SBF2: variants seen among roughly 807,000 people sequenced by gnomAD.
The protein encoded by SBF2 is myotubularin-related protein 13.
SBF2 carries 112 observed loss-of-function variants against 225.2 expected under a neutral mutation model. The ratio of observed to expected loss-of-function variants is 0.50; its 90% CI spans 0.43 to 0.58. The LOEUF is 0.58. Among genes scored for constraint, SBF2 ranks in the 20% least tolerant of loss-of-function variants. The probability of loss-of-function intolerance (pLI) is 0.00; values close to 1 mark genes in which losing one functional copy is unlikely to be tolerated. For missense variants in SBF2, 1,996 were observed against 2,206.2 expected (o/e 0.90, Z 1.91); for synonymous variants, 763 against 773.3 (o/e 0.99, Z 0.22).
intron 16 of SBF2, among the ~76,000 whole-genome samples, chr11:9,896,716 G>A (rs1861288983): frequency 6.6e-6 from 1 of 151,764 alleles, no homozygotes; most frequent in Admixed American, 6.6e-5. Flanking sequence ...TTGAACCCGG[G>A]AGGTGGAGGT....
intron 13 of SBF2, among the ~76,000 whole-genome samples, chr11:9,978,514 A>G (rs139719648): frequency 1.4e-3 from 220 of 152,356 alleles, no homozygotes; most frequent in Non-Finnish European, 3.5e-4. Context: ...TGAAATGTAG[A>G]AGACATTTGA....
At chr11:10,108,515 C>CTTTTTTTTTT (rs34189666) in intron 2 of SBF2, among the ~76,000 whole-genome samples, 9 of 83,482 alleles carry the variant, frequency 1.1e-4, no homozygotes, top group Non-Finnish European at 1.8e-4. Context: ...TAATAGTTAA[C>CTTTTTTTTTT]TTTTTTTTTT....
intron 17 of SBF2, among the ~76,000 whole-genome samples, chr11:9,867,859 G>C (rs1343014225): frequency 6.6e-6 from 1 of 152,170 alleles, no homozygotes; most frequent in Non-Finnish European, 1.5e-5. Flanking sequence ...AAGAAGCTGG[G>C]AAGGGCTACT....
intron 16 of SBF2, chr11:9,957,906 A>G (rs1866286607): frequency 6.6e-6 from 1 of 151,896 alleles, no homozygotes; most frequent in Non-Finnish European, 1.5e-5. Context: ...TTTCACCCCA[A>G]GCTAGGCTAG....
At chr11:9,986,080 C>T (rs1947185464) in intron 13 of SBF2, among the ~76,000 whole-genome samples, 1 of 152,092 alleles carries the variant, frequency 6.6e-6, no homozygotes, top group Non-Finnish European at 1.5e-5. Flanking sequence ...TTTTATCAAG[C>T]ACTCTCTCAA....
chr11:9,857,724 T>C (rs1166813491), intron 18 of SBF2, among the ~76,000 whole-genome samples: 4 of 152,208 alleles, frequency 2.6e-5, no homozygotes, highest in African/African-American at 7.2e-5. Flanking sequence ...AAAAACAATT[T>C]TCTTGATTTT....
At chr11:10,254,249 C>T (rs1289660301) in intron 1 of SBF2, among the ~76,000 whole-genome samples, 1 of 151,926 alleles carries the variant, frequency 6.6e-6, no homozygotes, top group Non-Finnish European at 1.5e-5. Flanking sequence ...TAAAAATTAG[C>T]TGGGCATGGT....
At chr11:9,816,191 G>A (rs970209723) in intron 29 of SBF2, among the ~76,000 whole-genome samples, 9 of 152,222 alleles carry the variant, frequency 5.9e-5, no homozygotes, top group Non-Finnish European at 1.3e-4. Flanking sequence ...GCTTTTGGAG[G>A]AAAAGACCAT....
chr11:9,782,683 C>T (rs978397269), intron 38 of SBF2, among the ~76,000 whole-genome samples: 4 of 151,888 alleles, frequency 2.6e-5, no homozygotes, highest in Non-Finnish European at 5.9e-5. Flanking sequence ...CCAGCCTGAC[C>T]AATATGGTGA....
Position 9,842,787 on chromosome 11 carries a change from C to A in SBF2, c.3111-17G>T. 1 of 1,613,392 alleles carries A rather than the reference C, an allele frequency of 6.2e-7. No individual in the cohort carries two copies. Among genetic ancestry groups the A allele is most frequent in the Non-Finnish European group, 8.5e-7 (1 of 1,179,496 alleles). The stretch of plus-strand genomic sequence containing the variant: ...GAGAAGGTACTACAAGTCATAAAAC[C>A]AAAGAGAATGTCAACTTAATATAAA... On this transcript the variant is annotated splice_polypyrimidine_tract_variant and intron_variant, in intron 24 of 39. Transcript: ENST00000256190.
chr11:9,902,511 A>G (rs1861798526), intron 16 of SBF2, among the ~76,000 whole-genome samples: 1 of 152,196 alleles, frequency 6.6e-6, no homozygotes, highest in Non-Finnish European at 1.5e-5. Flanking sequence ...ATAAAATTAA[A>G]CTGCAACCCA....
At chr11:9,907,952 T>C (rs1366091313) in intron 16 of SBF2, among the ~76,000 whole-genome samples, 1 of 152,234 alleles carries the variant, frequency 6.6e-6, no homozygotes, top group Non-Finnish European at 1.5e-5. Context: ...TAGCCACAAA[T>C]GGCAGAGCCA....
intron 16 of SBF2, among the ~76,000 whole-genome samples, chr11:9,927,532 C>A (rs9666488): frequency 0.12 from 18,411 of 151,960 alleles, 1,223 homozygotes; most frequent in Non-Finnish European, 0.14. Context: ...TCAGTCTGGG[C>A]AAGATAGCAA....
intron 2 of SBF2, among the ~76,000 whole-genome samples, chr11:10,107,365 C>G (rs1278979133): frequency 6.6e-6 from 1 of 152,112 alleles, no homozygotes; most frequent in Non-Finnish European, 1.5e-5. Flanking sequence ...ATAACAAAGA[C>G]AGATCTCAAA....
At chr11:10,046,810 G>A (rs1184711817) in intron 2 of SBF2, among the ~76,000 whole-genome samples, 3 of 150,550 alleles carry the variant, frequency 2.0e-5, no homozygotes, top group Admixed American at 2.0e-4. Context: ...TATATATATT[G>A]GGAGGAAAGA....
intron 2 of SBF2, among the ~76,000 whole-genome samples, chr11:10,192,591 T>C (rs1957216878): frequency 6.6e-6 from 1 of 152,186 alleles, no homozygotes; most frequent in African/African-American, 2.4e-5. Context: ...TCTAATCATT[T>C]TATGTGTATT....
intron 1 of SBF2, among the ~76,000 whole-genome samples, chr11:10,208,262 A>G (rs1400784133): frequency 6.6e-6 from 1 of 152,080 alleles, no homozygotes; most frequent in African/African-American, 2.4e-5. Context: ...ATGGCATAAC[A>G]CTATGATTGC....
chr11:10,134,116 A>G (rs143465227), intron 2 of SBF2, among the ~76,000 whole-genome samples: 18 of 152,306 alleles, frequency 1.2e-4, no homozygotes, highest in African/African-American at 4.3e-4. Flanking sequence ...TCATGGCAGA[A>G]GGTGAAAGGC....
rs546451444 is a variant in SBF2, at chr11:9,800,261, CTTA to C, written c.4444-4307_4444-4305del. Among the ~76,000 whole-genome samples the C allele has an allele frequency of 8.4e-4, 127 of 151,928 alleles. 1 individual carries two copies. In the South Asian group the frequency reaches 0.026, roughly 31 times the overall value. On this transcript the variant is annotated intron_variant, in intron 32 of 39. Coordinates refer to ENST00000256190, the MANE Select transcript of SBF2 (RefSeq NM_030962.4). ...TAAAGGAAAAAAAAAAGGTTGTTTTCTTATTATTGAATTTTAAGGTTTCTTTAT... is the reference window on the plus strand; with the variant it reads ...TAAAGGAAAAAAAAAAGGTTGTTTTCTTATTGAATTTTAAGGTTTCTTTAT...
Sources: gnomAD v4.1 joint callset for allele counts (sites outside exome capture counted in the v4.1 genomes callset) on GRCh38, gnomAD v4.1.1 for gene constraint, MANE v1.5 for transcripts, NCBI Gene and HGNC (gene_info 2026-07-23, HGNC 2026-07-21) for gene names.